The following DNAH7 variants were observed in gnomAD, a reference collection of about 807,000 sequenced individuals.
The protein encoded by DNAH7 is axonemal beta dynein heavy chain 7.
A neutral mutation model predicts 444.6 loss-of-function variants in DNAH7; 397 were observed. The observed-to-expected ratio is 0.89, with a 90% CI of 0.82 to 0.97. DNAH7 has a LOEUF of 0.97. DNAH7 is among the 50% of genes least tolerant of loss of function. The pLI, the probability that DNAH7 is intolerant of heterozygous loss-of-function variation, is 0.00. For missense variants in DNAH7, 4,902 were observed against 4,800.8 expected, an observed-to-expected ratio of 1.02 and a Z score of -0.62; for synonymous variants, 1,636 against 1,624.4, an observed-to-expected ratio of 1.01 and a Z score of -0.17.
At chr2:195,751,998 C>T (rs1392791934) in intron 63 of DNAH7, among the ~76,000 whole-genome samples, 1 of 152,120 alleles carries the variant, frequency 6.6e-6, no homozygotes, top group Non-Finnish European at 1.5e-5. Flanking sequence ...GGGCCAGGTG[C>T]AGTGGCTCAC....
chr2:195,930,161 G>A (rs1350598757), intron 21 of DNAH7, among the ~76,000 whole-genome samples: 1 of 152,148 alleles, frequency 6.6e-6, no homozygotes, highest in Non-Finnish European at 1.5e-5. Flanking sequence ...TGGTCAACAC[G>A]ATGAAACCAC....
chr2:195,972,701 G>A (rs1046682590), intron 15 of DNAH7, among the ~76,000 whole-genome samples: 1 of 152,178 alleles, frequency 6.6e-6, no homozygotes, highest in African/African-American at 2.4e-5. Flanking sequence ...TGGAAAACCA[G>A]GGAGGAGTGC....
chr2:196,051,746 G>A (rs1323615738), intron 2 of DNAH7, among the ~76,000 whole-genome samples: 5 of 151,852 alleles, frequency 3.3e-5, no homozygotes, highest in South Asian at 2.1e-4. Context: ...CAGCCTGGGC[G>A]ACAGAGCAAC....
Position 195,799,409 on chromosome 2 carries a change from G to T in DNAH7, c.10240C>A (p.Pro3414Thr), listed in dbSNP as rs376685120. The T allele has an allele frequency of 1.9e-6, 3 of 1,610,700 alleles. No individual in the cohort carries two copies. In the South Asian group the frequency reaches 3.3e-5, roughly 18 times the overall value. Residue 3414 changes from proline to threonine, a missense_variant, in exon 55 of 65, where the codon CCC (proline) becomes ACC (threonine). Transcript: ENST00000312428. ...RLGRAFIEPPPFDLAKAFGDS... is the reference protein window; with the variant it reads ...RLGRAFIEPPTFDLAKAFGDS... The stretch of plus-strand genomic sequence containing the variant: ...CCAAATGCCTTGGCTAAATCAAAGG[G>T]GGGTGGTTCAATGAATGCACGTCCC...
chr2:195,900,229 G>C, intron 28 of DNAH7, 53 bp downstream of exon 28: 1 of 1,571,118 alleles, frequency 6.4e-7, no homozygotes, highest in Non-Finnish European at 8.8e-7. Context: ...GACCCATTAG[G>C]CTGGAAATCT....
intron 34 of DNAH7, 75 bp downstream of exon 34, chr2:195,886,066 C>G: frequency 6.8e-7 from 1 of 1,473,204 alleles, no homozygotes; most frequent in Non-Finnish European, 9.0e-7. Context: ...ATGAGTTTCA[C>G]AAATTAGGAA....
chr2:195,885,837 G>T (rs73987116), intron 34 of DNAH7, among the ~76,000 whole-genome samples: 1,582 of 152,186 alleles, frequency 0.01, 27 homozygotes, highest in African/African-American at 0.035. Flanking sequence ...TGCCAAAATG[G>T]TCACTGACAT....
At position 195,960,435 on chromosome 2, in the gene DNAH7, C is replaced by G. The variant is rs534874290; in HGVS notation, c.2716G>C (p.Glu906Gln). 5 of 1,614,212 alleles carry G rather than the reference C, an allele frequency of 3.1e-6. No individual in the cohort carries two copies. The South Asian group carries it at 4.4e-5, about 14-fold the overall frequency. The stretch of plus-strand genomic sequence containing the variant: ...GCATCCCACTCAGTAATCATCTTCT[C>G]CATCGCCTTTTCAAGAGAATATTCT... ...SKEYSLEKAM[E>Q]KMITEWDAVE... The change falls in exon 18 of 65, where the codon GAG becomes CAG. Residue 906 changes from glutamate to glutamine, a missense_variant. Physicochemically the swap from Glu to Gln is conservative, Grantham distance 29 (BLOSUM62 2). Coordinates refer to ENST00000312428, the MANE Select transcript of DNAH7 (RefSeq NM_018897.3).
Position 195,737,895 on chromosome 2 carries a change from A to G in DNAH7, c.*26T>C. The G allele has an allele frequency of 6.2e-7, 1 of 1,606,136 alleles. No individual in the cohort carries two copies. Among genetic ancestry groups the G allele is most frequent in the African/African-American group, 1.3e-5 (1 of 74,910 alleles). On this transcript the variant is annotated 3_prime_UTR_variant, in exon 65 of 65. Transcript: ENST00000312428. Reference sequence around the variant, plus strand: ...TCTACTCAGCCAGCCAACAAGAAATAGGAACAAGGAAATGATGTCTTCTGG... The same window carrying G: ...TCTACTCAGCCAGCCAACAAGAAATGGGAACAAGGAAATGATGTCTTCTGG...
At chr2:195,873,451 T>A in intron 39 of DNAH7, 117 bp downstream of exon 39, 1 of 652,456 alleles carries the variant, frequency 1.5e-6, no homozygotes, top group Non-Finnish European at 2.2e-6. Flanking sequence ...TGTTGTCTGT[T>A]AACTTTTCCT....
chr2:195,747,143 G>A (rs139510437), intron 63 of DNAH7, among the ~76,000 whole-genome samples: 69,855 of 151,104 alleles, frequency 0.46, 17,212 homozygotes, highest in Non-Finnish European at 0.56. Context: ...TCAAATAGAC[G>A]CAATAAAAAA....
intron 15 of DNAH7, among the ~76,000 whole-genome samples, chr2:195,975,538 G>C (rs1196873385): frequency 6.6e-6 from 1 of 152,106 alleles, no homozygotes; most frequent in Non-Finnish European, 1.5e-5. Context: ...GTGCCGTGTG[G>C]GGTCAGAGCC....
intron 24 of DNAH7, among the ~76,000 whole-genome samples, chr2:195,915,057 C>T (rs1020247996): frequency 6.6e-6 from 1 of 152,104 alleles, no homozygotes; most frequent in Non-Finnish European, 1.5e-5. Context: ...TAAATGCCTG[C>T]GTTATGCCAG....
intron 2 of DNAH7, among the ~76,000 whole-genome samples, chr2:196,056,171 G>A (rs556700940): frequency 7.2e-5 from 11 of 152,214 alleles, no homozygotes; most frequent in South Asian, 4.1e-4. Flanking sequence ...GTGGCCGGGC[G>A]CAGTGGTTCA....
In DNAH7 at chr2:195,737,780, A is replaced by AT; in HGVS notation, c.*140dup. 1 of 706,110 alleles carries AT rather than the reference A, an allele frequency of 1.4e-6. No individual in the cohort carries two copies. The highest frequency in any genetic ancestry group is 2.7e-5 in the East Asian group (1 of 36,574). The allele number at this position is 706,110 out of a possible 1,614,324, so 43.7% of individuals were successfully genotyped here. ...TATGAGTCATATTAAGTTTAGCTGC[A>AT]TTTGCTCATAAGTAAATTCATAATT... On this transcript the variant is annotated 3_prime_UTR_variant, in exon 65 of 65. Transcript: ENST00000312428.
intron 63 of DNAH7, among the ~76,000 whole-genome samples, chr2:195,743,014 C>T (rs904125509): frequency 3.9e-5 from 6 of 152,206 alleles, no homozygotes; most frequent in Admixed American, 1.3e-4. Flanking sequence ...ATCTAATCAG[C>T]TTCCAGTTCA....
Position 195,857,396 on chromosome 2 carries a change from C to T in DNAH7, c.8395G>A (p.Ala2799Thr), listed in dbSNP as rs150240304. 3.8e-6 allele frequency: 6 copies of T among 1,593,008 alleles called. No individual in the cohort carries two copies. The Admixed American group carries it at 7.0e-5, about 19-fold the overall frequency. ...ACTTACTTATCATATGAATCCATTGCTATGACCCATTTGCACAGACCTTCG... is the reference window on the plus strand; with the variant it reads ...ACTTACTTATCATATGAATCCATTGTTATGACCCATTTGCACAGACCTTCG... ...AAEGLCKWVI[A>T]MDSYDKVAKI... Residue 2799 changes from alanine (A) to threonine (T), a missense_variant, in exon 44 of 65, where the codon GCA becomes ACA. Physicochemically the swap from Ala to Thr is moderately conservative, Grantham distance 58 (BLOSUM62 0). Transcript: ENST00000312428.
At chr2:195,807,905 G>A (rs977483227) in intron 53 of DNAH7, among the ~76,000 whole-genome samples, 3 of 152,126 alleles carry the variant, frequency 2.0e-5, no homozygotes, top group East Asian at 1.9e-4. Context: ...ATTTGAATTC[G>A]TGTGAAGACA....
At chr2:195,796,777 T>C in intron 55 of DNAH7, 40 bp from the exon 56 acceptor site, 1 of 1,569,646 alleles carries the variant, frequency 6.4e-7, no homozygotes, top group Non-Finnish European at 8.7e-7. Context: ...TAAAATCACA[T>C]TTTAAGAAAC....
Sources: allele counts gnomAD v4.1 joint callset (sites outside exome capture counted in the v4.1 genomes callset), GRCh38; gene constraint gnomAD v4.1.1; transcripts MANE v1.5; gene names NCBI Gene and HGNC (gene_info 2026-07-23, HGNC 2026-07-21).